SYMPK: variants seen among roughly 807,000 people sequenced by gnomAD.
SYMPK encodes symplekin scaffold protein, also known as symplekin.
A neutral mutation model predicts 136.4 loss-of-function variants in SYMPK; 49 were observed. The ratio of observed to expected loss-of-function variants is 0.36; its 90% CI spans 0.29 to 0.46. SYMPK has a LOEUF of 0.46. Among genes scored for constraint, SYMPK ranks in the 20% least tolerant of loss-of-function variants. The pLI is 1.00. For synonymous variants in SYMPK, 766 were observed against 713.0 expected (o/e 1.07, Z -1.19); for missense variants, 1,365 against 1,690.0 (o/e 0.81, Z 3.37).
At position 45,834,758 on chromosome 19, in the gene SYMPK, T is replaced by A. The variant is rs1429631275; in HGVS notation, c.1393+320A>T. Reference sequence around the variant, plus strand: ...ATAATTAAGAGTTCTGCATTTCACTTATGTGTATCACACATTAATAGTACT... The same window carrying A: ...ATAATTAAGAGTTCTGCATTTCACTAATGTGTATCACACATTAATAGTACT... On this transcript the variant is annotated intron_variant, in intron 11 of 26. Transcript: ENST00000245934. 5.3e-5 allele frequency among the ~76,000 whole-genome samples: 8 copies of A among 152,214 alleles called. No individual in the cohort carries two copies. The East Asian group carries it at 1.5e-3, about 29-fold the overall frequency.
At chr19:45,828,438 A>G (rs948704257) in intron 14 of SYMPK, 11 of 181,604 alleles carry the variant, frequency 6.1e-5, no homozygotes, top group African/African-American at 7.2e-5. Flanking sequence ...GGGTCACATA[A>G]GGCCTCACTG....
At chr19:45,851,740 G>T (rs1224517984) in intron 5 of SYMPK, among the ~76,000 whole-genome samples, 1 of 152,120 alleles carries the variant, frequency 6.6e-6, no homozygotes, top group Non-Finnish European at 1.5e-5. Flanking sequence ...CGGATGTGGT[G>T]GCGCATGCCT....
chr19:45,848,981 G>T, intron 5 of SYMPK, 105 bp from the exon 6 acceptor site: 11 of 1,371,716 alleles, frequency 8.0e-6, no homozygotes, highest in Non-Finnish European at 1.1e-5. Context: ...TGTCTCAGGG[G>T]ACCGGAATGG....
chr19:45,826,470 C>A, intron 16 of SYMPK, 97 bp from the exon 17 acceptor site: 1 of 1,370,182 alleles, frequency 7.3e-7, no homozygotes, highest in East Asian at 2.3e-5. Context: ...AAAACAAGCC[C>A]GAGGCTGAGA....
At position 45,822,350 on chromosome 19, in the gene SYMPK, C is replaced by T. The variant is rs577950179; in HGVS notation, c.2791+406G>A. Among the ~76,000 whole-genome samples, 40 of 152,194 alleles carry T rather than the reference C, an allele frequency of 2.6e-4. No individual in the cohort carries two copies. In the South Asian group the frequency reaches 8.1e-3, roughly 31 times the overall value. ...AGCCAGGATGGTCTCGATCTCCTGA[C>T]CTTGTGATCCGCCCGCCTCGCCTCA... On this transcript the variant is annotated intron_variant, in intron 21 of 26. Transcript: ENST00000245934.
At chr19:45,833,871 G>C (rs377726399) in intron 11 of SYMPK, among the ~76,000 whole-genome samples, 47 of 152,306 alleles carry the variant, frequency 3.1e-4, no homozygotes, top group African/African-American at 1.1e-3. Context: ...AATATTACAG[G>C]TCCAGTGCGG....
chr19:45,816,461 G>A, intron 25 of SYMPK, 21 bp downstream of exon 25: 2 of 1,604,734 alleles, frequency 1.2e-6, no homozygotes, highest in Non-Finnish European at 1.7e-6. Flanking sequence ...GATCCAGATG[G>A]GTGGGCTGCA....
intron 1 of SYMPK, among the ~76,000 whole-genome samples, chr19:45,855,982 G>C (rs1971813144): frequency 6.6e-6 from 1 of 151,752 alleles, no homozygotes; most frequent in African/African-American, 2.4e-5. Context: ...AAAAAAGAAA[G>C]GGGAAAAAAT....
Position 45,848,803 on chromosome 19 carries a change from C to T in SYMPK, c.373G>A (p.Val125Met), listed in dbSNP as rs762852760. Residue 125 changes from valine (V) to methionine (M), a missense_variant, in exon 6 of 27, where the codon GTG (valine) becomes ATG (methionine). This residue lies in a region of SYMPK where 237 missense variants were observed against 292.9 expected (regional missense o/e 0.81). Coordinates refer to ENST00000245934, the MANE Select transcript of SYMPK (RefSeq NM_004819.3). ...NMLLRDENVNVVKKAILTMTQ... is the reference protein window; with the variant it reads ...NMLLRDENVNMVKKAILTMTQ... The stretch of plus-strand genomic sequence containing the variant: ...ATGGTGAGGATAGCCTTCTTCACCA[C>T]GTTCACATTCTCGTCCCTCAAGAGC... The T allele has an allele frequency of 1.3e-5, 21 of 1,613,874 alleles. No homozygotes were observed. The highest frequency in any genetic ancestry group is 1.7e-5 in the Non-Finnish European group (20 of 1,180,030).
chr19:45,861,398 T>A (rs1467362591), intron 1 of SYMPK, among the ~76,000 whole-genome samples: 2 of 151,846 alleles, frequency 1.3e-5, no homozygotes, highest in Admixed American at 1.3e-4. Context: ...GGAAAAAAAA[T>A]GAAAATAAAA....
intron 17 of SYMPK, among the ~76,000 whole-genome samples, 174 bp from the exon 18 acceptor site, chr19:45,825,505 C>A (rs148663014): frequency 6.6e-6 from 1 of 152,200 alleles, no homozygotes; most frequent in South Asian, 2.1e-4. Context: ...CTTCCCACCT[C>A]CAGCCTCCCG....
At position 45,842,287 on chromosome 19, in the gene SYMPK, G is replaced by C. The variant is rs746902399; in HGVS notation, c.1050C>G (p.Arg350=). Residue 350 remains arginine, a synonymous_variant, in exon 9 of 27, where the codon CGC becomes CGG. Transcript: ENST00000245934. ...PSSKDTRKRP[R]DDSDSTLKKM... ...TCTTGAGTGTGGAGTCCGAGTCATC[G>C]CGGGGCCGCTTGCGGGTGTCCTTGC... 9 of 1,614,144 alleles carry C rather than the reference G, an allele frequency of 5.6e-6. No homozygotes were observed. The highest frequency in any genetic ancestry group is 6.8e-6 in the Non-Finnish European group (8 of 1,180,032).
intron 11 of SYMPK, among the ~76,000 whole-genome samples, chr19:45,832,725 G>A (rs1971210530): frequency 6.6e-6 from 1 of 151,790 alleles, no homozygotes; most frequent in Admixed American, 6.6e-5. Context: ...AAAATGTACA[G>A]CAGGCTGGGC....
intron 17 of SYMPK, 27 bp from the exon 18 acceptor site, chr19:45,825,358 T>C: frequency 6.2e-7 from 1 of 1,609,150 alleles, no homozygotes. Flanking sequence ...GGGCATCAGA[T>C]TGGCCCACAC....
chr19:45,849,936 T>C (rs536547369), intron 5 of SYMPK, among the ~76,000 whole-genome samples: 1 of 152,002 alleles, frequency 6.6e-6, no homozygotes, highest in Non-Finnish European at 1.5e-5. Flanking sequence ...CTCCAGCTAC[T>C]TGGGAGGCTG....
intron 9 of SYMPK, among the ~76,000 whole-genome samples, chr19:45,839,998 G>A (rs1050659832): frequency 3.3e-5 from 5 of 152,128 alleles, no homozygotes; most frequent in African/African-American, 1.2e-4. Context: ...TGTTAACCAA[G>A]CGTTCAAAAG....
chr19:45,847,668 AG>A, intron 7 of SYMPK, 83 bp downstream of exon 7: 1 of 1,510,702 alleles, frequency 6.6e-7, no homozygotes, highest in South Asian at 1.3e-5. Context: ...AAACCAAAAA[AG>A]ACAAGGGGGA....
At position 45,821,107 on chromosome 19, in the gene SYMPK, C is replaced by G. The variant is rs775567080; in HGVS notation, c.2893+277G>C. The stretch of plus-strand genomic sequence containing the variant: ...TGGGGCTACCCAACTGCTTTAGGCC[C>G]ACTCTGTGCCAGGGCACAGCAGGTA... On this transcript the variant is annotated intron_variant, in intron 22 of 26. Coordinates refer to ENST00000245934, the MANE Select transcript of SYMPK (RefSeq NM_004819.3). This position sits in a 1 kb window ranked among gnomAD's most constrained non-coding sequence, Gnocchi z 4.4. The G allele has an allele frequency of 1.0e-5, 7 of 671,894 alleles. No homozygotes were observed. The highest frequency in any genetic ancestry group is 1.9e-5 in the Non-Finnish European group (7 of 371,280). 41.6% of individuals were successfully genotyped at this position (671,894 alleles called of 1,614,324 possible). A position where few individuals can be genotyped will look rare whatever the true frequency, so the allele number is the denominator to read the frequency against.
chr19:45,836,592 C>A (rs1042753409), intron 10 of SYMPK, among the ~76,000 whole-genome samples: 3 of 151,558 alleles, frequency 2.0e-5, no homozygotes, highest in Non-Finnish European at 2.9e-5. Flanking sequence ...GACTGCGCCA[C>A]TACACTCCAG....
Sources: allele counts gnomAD v4.1 joint callset (sites outside exome capture counted in the v4.1 genomes callset), GRCh38; gene constraint gnomAD v4.1.1; regional missense constraint gnomAD v4.1.1; non-coding constraint Gnocchi (gnomAD v3.1); transcripts MANE v1.5; gene names NCBI Gene and HGNC (gene_info 2026-07-23, HGNC 2026-07-21).